Variants in SLC14A2 observed in about 807,000 individuals in gnomAD.
The protein encoded by SLC14A2 is urea transporter 2.
In SLC14A2, 91 loss-of-function variants were observed where a neutral mutation model predicts 104.6. The ratio of observed to expected loss-of-function variants is 0.87; its 90% CI spans 0.73 to 1.04. The LOEUF (loss-of-function observed/expected upper bound fraction) is 1.04. SLC14A2 is among the 50% of genes least tolerant of loss of function. The pLI is 0.00. For missense variants in SLC14A2, 1,189 were observed against 1,156.0 expected (o/e 1.03, Z -0.41); for synonymous variants, 476 against 466.4 (o/e 1.02, Z -0.27).
intron 10 of SLC14A2, among the ~76,000 whole-genome samples, chr18:45,662,341 C>A (rs1182625603): frequency 6.6e-6 from 1 of 152,168 alleles, no homozygotes; most frequent in Non-Finnish European, 1.5e-5. Flanking sequence ...TTTCCTTAAT[C>A]ATGCATGCCC....
intron 1 of SLC14A2, among the ~76,000 whole-genome samples, chr18:45,407,889 C>T (rs766321826): frequency 1.3e-5 from 2 of 152,160 alleles, no homozygotes; most frequent in East Asian, 1.9e-4. Flanking sequence ...TCAAAGATCA[C>T]TGATCACAGA....
At chr18:45,236,206 C>T (rs1295510259) in intron 1 of SLC14A2, among the ~76,000 whole-genome samples, 28 of 37,228 alleles carry the variant, frequency 7.5e-4, no homozygotes, top group Non-Finnish European at 9.5e-4. Context: ...TGTATATATA[C>T]ATATATGTGT....
At chr18:45,608,112 C>T (rs1379297451) in intron 2 of SLC14A2, among the ~76,000 whole-genome samples, 2 of 152,244 alleles carry the variant, frequency 1.3e-5, no homozygotes, top group African/African-American at 4.8e-5. Flanking sequence ...ACTGTTGAAT[C>T]CCCTGTGACT....
intron 12 of SLC14A2, 83 bp downstream of exon 12, chr18:45,666,302 C>T: frequency 1.1e-6 from 1 of 904,656 alleles, no homozygotes; most frequent in South Asian, 1.5e-5. Flanking sequence ...GAGCTGTAAA[C>T]AAGGTTCTCC....
At chr18:45,527,237 T>A (rs576793519) in intron 2 of SLC14A2, among the ~76,000 whole-genome samples, 1 of 152,330 alleles carries the variant, frequency 6.6e-6, no homozygotes, top group East Asian at 1.9e-4. Context: ...TTATCAAGGT[T>A]CTGTTGAGCA....
intron 1 of SLC14A2, among the ~76,000 whole-genome samples, chr18:45,411,968 CA>C (rs1205933001): frequency 6.6e-6 from 1 of 152,186 alleles, no homozygotes; most frequent in Non-Finnish European, 1.5e-5. Flanking sequence ...CATGCACTCC[CA>C]ACCAAGAAAA....
intron 1 of SLC14A2, among the ~76,000 whole-genome samples, chr18:45,297,573 TG>T (rs2084928890): frequency 6.6e-6 from 1 of 152,228 alleles, no homozygotes; most frequent in African/African-American, 2.4e-5. Context: ...ACAAATCACT[TG>T]ATCTTCCTGG....
chr18:45,226,864 A>G (rs771114246), intron 1 of SLC14A2, among the ~76,000 whole-genome samples: 3 of 151,902 alleles, frequency 2.0e-5, no homozygotes, highest in Non-Finnish European at 4.4e-5. Flanking sequence ...ACTAATTGTC[A>G]CTTAAATAGA....
chr18:45,585,578 A>G (rs2044554307), intron 2 of SLC14A2, among the ~76,000 whole-genome samples: 1 of 152,240 alleles, frequency 6.6e-6, no homozygotes. Flanking sequence ...CTAGAAATTT[A>G]TCATAGGCAT....
chr18:45,242,527 A>G (rs1306120916), intron 1 of SLC14A2, among the ~76,000 whole-genome samples: 1 of 152,164 alleles, frequency 6.6e-6, no homozygotes, highest in African/African-American at 2.4e-5. Context: ...TTATGGAGCA[A>G]TTACTTTGAT....
At chr18:45,362,529 C>T (rs796382730) in intron 1 of SLC14A2, among the ~76,000 whole-genome samples, 2 of 152,334 alleles carry the variant, frequency 1.3e-5, no homozygotes, top group African/African-American at 4.8e-5. Context: ...CTAAAAATTA[C>T]AGACAAAGTG....
chr18:45,297,726 T>G (rs2084930747), intron 1 of SLC14A2, among the ~76,000 whole-genome samples: 1 of 151,850 alleles, frequency 6.6e-6, no homozygotes. Context: ...CATGTTAGAG[T>G]CAGTTCCTGA....
chr18:45,210,380 G>C (rs1166996598), upstream of SLC14A2, among the ~76,000 whole-genome samples: 1 of 152,170 alleles, frequency 6.6e-6, no homozygotes, highest in Admixed American at 6.5e-5. Flanking sequence ...AAGGGTTTGA[G>C]AGCAGCCTGG....
chr18:45,288,301 T>C (rs995614985), intron 1 of SLC14A2, among the ~76,000 whole-genome samples: 1 of 152,124 alleles, frequency 6.6e-6, no homozygotes, highest in African/African-American at 2.4e-5. Flanking sequence ...TCAGGATCAG[T>C]TCTATATGTT....
chr18:45,351,216 T>C lies in SLC14A2; in HGVS notation c.-124-132017T>C, dbSNP rs554886624. Among the ~76,000 whole-genome samples, 85 of 152,296 alleles carry C rather than the reference T, an allele frequency of 5.6e-4. 1 individual carries two copies. Among genetic ancestry groups the C allele is most frequent in the African/African-American group, 1.9e-3 (81 of 41,560 alleles). On this transcript the variant is annotated intron_variant, in intron 1 of 20. Transcript: ENST00000586448. ...AGGAAAGGGACCTTATATGAGGTGG[T>C]AGAAAAATCTTGACCCTGATCAGTT...
intron 1 of SLC14A2, among the ~76,000 whole-genome samples, chr18:45,247,860 A>G (rs1184489064): frequency 2.0e-5 from 3 of 152,168 alleles, no homozygotes; most frequent in Non-Finnish European, 4.4e-5. Flanking sequence ...GTAGGAGAGA[A>G]TGGAGCTGAC....
intron 1 of SLC14A2, among the ~76,000 whole-genome samples, chr18:45,353,653 T>C (rs1018556892): frequency 1.3e-5 from 2 of 152,154 alleles, no homozygotes; most frequent in Admixed American, 1.3e-4. Context: ...TAAGCCTCAA[T>C]GGGACAACAA....
At chr18:45,246,277 A>G (rs1408658329) in intron 1 of SLC14A2, among the ~76,000 whole-genome samples, 1 of 152,206 alleles carries the variant, frequency 6.6e-6, no homozygotes, top group Non-Finnish European at 1.5e-5. Context: ...AAACACCTTA[A>G]TCCTGGACTT....
chr18:45,558,712 A>G (rs2044163786), intron 2 of SLC14A2, among the ~76,000 whole-genome samples: 1 of 152,198 alleles, frequency 6.6e-6, no homozygotes, highest in Non-Finnish European at 1.5e-5. Flanking sequence ...ACAAGTGTCC[A>G]TTTGACCATA....
Sources: gnomAD v4.1 joint callset for allele counts (sites outside exome capture counted in the v4.1 genomes callset) on GRCh38, gnomAD v4.1.1 for gene constraint, MANE v1.5 for transcripts, NCBI Gene and HGNC (gene_info 2026-07-23, HGNC 2026-07-21) for gene names.